The following RNF11 variants were observed in gnomAD, a reference collection of about 807,000 sequenced individuals.
The protein encoded by RNF11 is ring finger protein 11.
RNF11 carries 4 observed loss-of-function variants against 15.8 expected under a neutral mutation model. The ratio of observed to expected loss-of-function variants is 0.25; its 90% confidence interval spans 0.12 to 0.58. RNF11 has a LOEUF of 0.58. Among genes scored for constraint, RNF11 ranks in the 20% least tolerant of loss-of-function variants. RNF11 has a pLI of 0.91. For synonymous variants in RNF11, 68 were observed against 72.3 expected, an observed-to-expected ratio of 0.94 and a Z score of 0.30; for missense variants, 139 against 194.4, an observed-to-expected ratio of 0.71 and a Z score of 1.70.
chr1:51,253,445 C>T (rs1306283911), intron 1 of RNF11, among the ~76,000 whole-genome samples: 2 of 151,072 alleles, frequency 1.3e-5, no homozygotes, highest in South Asian at 2.1e-4. Context: ...ATCACTTGAG[C>T]CCAGGAGCTC....
chr1:51,257,409 A>G (rs188474377), intron 1 of RNF11, among the ~76,000 whole-genome samples: 3 of 152,214 alleles, frequency 2.0e-5, no homozygotes, highest in African/African-American at 7.2e-5. Flanking sequence ...AATTGGGTCC[A>G]CTTGGAGTTT....
chr1:51,262,086 C>G (rs556230086), intron 1 of RNF11, among the ~76,000 whole-genome samples: 46 of 152,162 alleles, frequency 3.0e-4, no homozygotes, highest in Admixed American at 2.4e-3. Context: ...AACTCCTGGT[C>G]TCAGGTGATC....
chr1:51,250,902 A>G, intron 1 of RNF11: 1 of 1,050,998 alleles, frequency 9.5e-7, no homozygotes. Context: ...GATGAGGTGC[A>G]CCAGTGCAGA....
chr1:51,269,904 C>T, intron 1 of RNF11, 52 bp from the exon 2 acceptor site: 2 of 1,518,916 alleles, frequency 1.3e-6, no homozygotes, highest in Non-Finnish European at 1.8e-6. Context: ...AAAATAAGCC[C>T]TCGAAAGGTT....
At chr1:51,255,902 T>C (rs1221220855) in intron 1 of RNF11, among the ~76,000 whole-genome samples, 1 of 152,198 alleles carries the variant, frequency 6.6e-6, no homozygotes, top group Non-Finnish European at 1.5e-5. Flanking sequence ...TGAGTCTTTT[T>C]TGTTGTTGTT....
chr1:51,258,411 T>G (rs2148071390), intron 1 of RNF11, among the ~76,000 whole-genome samples: 1 of 152,276 alleles, frequency 6.6e-6, no homozygotes. Flanking sequence ...CAGAAAATGT[T>G]ATATAATACA....
In RNF11 at chr1:51,273,251, A is replaced by G. The variant is rs1044014012; in HGVS notation, c.*1929A>G. ...AAAATTGGCAAATGAACTTTTTTAAAAATCATCTTCCATGTTGCAGTTAGT... is the reference window on the plus strand; with the variant it reads ...AAAATTGGCAAATGAACTTTTTTAAGAATCATCTTCCATGTTGCAGTTAGT... On this transcript the variant is annotated 3_prime_UTR_variant, in exon 3 of 3. Coordinates refer to ENST00000242719, the MANE Select transcript of RNF11 (RefSeq NM_014372.5). The G allele has an allele frequency of 2.0e-5, 3 of 152,164 alleles. No homozygotes were observed. Among genetic ancestry groups the G allele is most frequent in the African/African-American group, 7.2e-5 (3 of 41,454 alleles). The allele number at this position is 152,164 out of a possible 1,614,324, so 9.4% of individuals were successfully genotyped here. A position where few individuals can be genotyped will look rare whatever the true frequency, so the allele number is the denominator to read the frequency against.
chr1:51,246,155 C>T (rs1271647070), intron 1 of RNF11, among the ~76,000 whole-genome samples: 2 of 151,678 alleles, frequency 1.3e-5, no homozygotes, highest in East Asian at 2.0e-4. Context: ...ATCCCAGCTA[C>T]TTGGGAGGCT....
At chr1:51,260,988 A>T (rs72898423) in intron 1 of RNF11, among the ~76,000 whole-genome samples, 3,203 of 152,318 alleles carry the variant, frequency 0.021, 94 homozygotes, top group African/African-American at 0.065. Context: ...TCACATGCAC[A>T]TGAGAATCGA....
chr1:51,256,117 T>C (rs1646903035), intron 1 of RNF11, among the ~76,000 whole-genome samples: 1 of 152,172 alleles, frequency 6.6e-6, no homozygotes, highest in African/African-American at 2.4e-5. Context: ...TTAGAGTTCA[T>C]TCTTGGTGTT....
chr1:51,264,259 CAAAAAAAA>C (rs1158509807), intron 1 of RNF11, among the ~76,000 whole-genome samples: 93 of 25,472 alleles, frequency 3.7e-3, no homozygotes, highest in African/African-American at 0.015. Context: ...GACCCTATCT[CAAAAAAAA>C]AAAAAAAAAA....
intron 2 of RNF11, 41 bp downstream of exon 2, chr1:51,270,166 C>T (rs763129465): frequency 6.6e-7 from 1 of 1,523,934 alleles, no homozygotes; most frequent in African/African-American, 1.4e-5. Context: ...GTTTTATTTT[C>T]AGATTGCTTT....
At position 51,250,164 on chromosome 1, in the gene RNF11, G is replaced by A. The variant is rs1004203513; in HGVS notation, c.123+13285G>A. ...TTTTGAAACTTTTTTTAGCTTTGAAGTATAATTGATATAATTATATATACT... is the reference window on the plus strand; with the variant it reads ...TTTTGAAACTTTTTTTAGCTTTGAAATATAATTGATATAATTATATATACT... On this transcript the variant is annotated intron_variant, in intron 1 of 2. Coordinates refer to ENST00000242719, the MANE Select transcript of RNF11 (RefSeq NM_014372.5). 9.2e-5 allele frequency among the ~76,000 whole-genome samples: 14 copies of A among 152,228 alleles called. No individual in the cohort carries two copies. The South Asian group carries it at 1.4e-3, about 16-fold the overall frequency.
chr1:51,257,826 CTCT>C (rs556893658), intron 1 of RNF11, among the ~76,000 whole-genome samples: 324 of 140,028 alleles, frequency 2.3e-3, no homozygotes, highest in Non-Finnish European at 3.9e-3. Context: ...ATTTGCATTT[CTCT>C]TCTTATTTCT....
chr1:51,264,395 C>T (rs973278402), intron 1 of RNF11, among the ~76,000 whole-genome samples: 3 of 141,368 alleles, frequency 2.1e-5, no homozygotes, highest in Non-Finnish European at 4.5e-5. Context: ...TGTAATTGTT[C>T]AGGAACTGCA....
chr1:51,261,215 C>T (rs778074894), intron 1 of RNF11, among the ~76,000 whole-genome samples: 14 of 152,066 alleles, frequency 9.2e-5, no homozygotes, highest in Non-Finnish European at 1.9e-4. Flanking sequence ...AATTGAGATC[C>T]ACAGACCCTT....
At chr1:51,260,619 G>A (rs577928410) in intron 1 of RNF11, among the ~76,000 whole-genome samples, 1 of 152,302 alleles carries the variant, frequency 6.6e-6, no homozygotes, top group African/African-American at 2.4e-5. Context: ...AATTATGTAG[G>A]ACAATTGTGT....
Position 51,272,814 on chromosome 1 carries a change from C to CT in RNF11, c.*1493dup, listed in dbSNP as rs769806469. On this transcript the variant is annotated 3_prime_UTR_variant, in exon 3 of 3. Transcript: ENST00000242719. ...TTTATATTGAGTTGAATATTGAACT[C>CT]TAACAGTTTTCTACATACAAAACAC... 5.9e-5 allele frequency: 9 copies of CT among 152,232 alleles called. No homozygotes were observed. Among genetic ancestry groups the CT allele is most frequent in the South Asian group, 2.1e-4 (1 of 4,828 alleles). 9.4% of individuals were successfully genotyped at this position (152,232 alleles called of 1,614,324 possible). A position where few individuals can be genotyped will look rare whatever the true frequency, so the allele number is the denominator to read the frequency against.
At chr1:51,269,018 T>C (rs1646967730) in intron 1 of RNF11, among the ~76,000 whole-genome samples, 1 of 152,248 alleles carries the variant, frequency 6.6e-6, no homozygotes, top group African/African-American at 2.4e-5. Flanking sequence ...GGTACTGTTA[T>C]CTGCTTTATT....
Sources: allele counts gnomAD v4.1 joint callset (sites outside exome capture counted in the v4.1 genomes callset), GRCh38; gene constraint gnomAD v4.1.1; transcripts MANE v1.5; gene names NCBI Gene and HGNC (gene_info 2026-07-23, HGNC 2026-07-21).